SLMAP: variants seen among roughly 807,000 people sequenced by gnomAD.
SLMAP encodes the protein sarcolemma associated protein, also known as sarcolemmal membrane-associated protein.
In SLMAP, 44 loss-of-function variants were observed where a neutral mutation model predicts 128.8. That is an observed-to-expected ratio of 0.34 (90% CI 0.27 to 0.44). SLMAP has a LOEUF of 0.44. Ranked by LOEUF, SLMAP falls within the 20% of genes least tolerant of loss-of-function variation. SLMAP has a pLI of 1.00. For synonymous variants in SLMAP, 327 were observed against 348.8 expected (o/e 0.94, Z 0.70); for missense variants, 787 against 985.3 (o/e 0.80, Z 2.69).
At chr3:57,859,870 T>A (rs1029065506) in intron 8 of SLMAP, among the ~76,000 whole-genome samples, 4 of 152,112 alleles carry the variant, frequency 2.6e-5, no homozygotes, top group African/African-American at 9.7e-5. Flanking sequence ...AATAAAAAAA[T>A]TTAAATAACC....
chr3:57,763,432 G>A (rs931715987), intron 2 of SLMAP, among the ~76,000 whole-genome samples: 1 of 151,764 alleles, frequency 6.6e-6, no homozygotes, highest in Non-Finnish European at 1.5e-5. Flanking sequence ...ACACTACCAC[G>A]CCCAGCTACT....
intron 3 of SLMAP, among the ~76,000 whole-genome samples, chr3:57,835,572 G>A (rs971648208): frequency 1.3e-5 from 2 of 152,184 alleles, no homozygotes; most frequent in South Asian, 2.1e-4. Context: ...GACTAAAGTA[G>A]AAAGACCATG....
At chr3:57,896,262 C>T in intron 15 of SLMAP, 1 of 1,190,094 alleles carries the variant, frequency 8.4e-7, no homozygotes. Flanking sequence ...AAGTGGACAG[C>T]CTTGAACAAA....
chr3:57,882,778 G>GT, intron 14 of SLMAP, among the ~76,000 whole-genome samples: 1 of 152,250 alleles, frequency 6.6e-6, no homozygotes, highest in Middle Eastern at 3.4e-3. Flanking sequence ...TTTTCTAAGG[G>GT]TGAGAGAGTT....
chr3:57,879,513 A>G (rs1295192077), intron 14 of SLMAP, among the ~76,000 whole-genome samples: 1 of 152,194 alleles, frequency 6.6e-6, no homozygotes, highest in Admixed American at 6.5e-5. Context: ...ACTGGGGCAT[A>G]TTGGGCGGAA....
chr3:57,892,218 A>G (rs2096094109), intron 15 of SLMAP, among the ~76,000 whole-genome samples: 1 of 152,170 alleles, frequency 6.6e-6, no homozygotes, highest in African/African-American at 2.4e-5. Flanking sequence ...GGATTTGGCT[A>G]AATTGTCTTT....
At chr3:57,762,229 A>G (rs1030003136) in intron 2 of SLMAP, among the ~76,000 whole-genome samples, 1 of 150,928 alleles carries the variant, frequency 6.6e-6, no homozygotes, top group Admixed American at 6.6e-5. Flanking sequence ...TTAGCTGGGC[A>G]TGGTGGCATG....
At position 57,852,806 on chromosome 3, in the gene SLMAP, C is replaced by G. The variant is rs372710409; in HGVS notation, c.519+2990C>G. On this transcript the variant is annotated intron_variant, in intron 6 of 24. Transcript: ENST00000671191. ...CAAATCTCACTCCCTCACTCTCTCA[C>G]TCTTTCCAACCTTCTTGTTCTGTGA... is the stretch of plus-strand genomic sequence containing the variant. Among the ~76,000 whole-genome samples the G allele has an allele frequency of 3.3e-5, 5 of 152,222 alleles. No homozygotes were observed. In the East Asian group the frequency reaches 5.8e-4, roughly 18 times the overall value.
intron 2 of SLMAP, among the ~76,000 whole-genome samples, chr3:57,763,159 G>A (rs866245886): frequency 1.3e-5 from 2 of 152,166 alleles, no homozygotes; most frequent in African/African-American, 4.8e-5. Context: ...AGGCTTTGGG[G>A]TACCGGTGAC....
At chr3:57,904,631 C>T (rs775349063) in intron 17 of SLMAP, among the ~76,000 whole-genome samples, 85 of 152,214 alleles carry the variant, frequency 5.6e-4, no homozygotes, top group Non-Finnish European at 1.1e-3. Context: ...TGACATGGCC[C>T]AGCATGGTAG....
intron 5 of SLMAP, among the ~76,000 whole-genome samples, chr3:57,848,477 C>A (rs894488629): frequency 6.9e-6 from 1 of 145,464 alleles, no homozygotes; most frequent in Non-Finnish European, 1.5e-5. Context: ...TCGTTTTTTT[C>A]TTCGTCCTCC....
intron 14 of SLMAP, 57 bp from the exon 15 acceptor site, chr3:57,889,984 C>G: frequency 1.6e-6 from 2 of 1,236,476 alleles, no homozygotes; most frequent in Non-Finnish European, 2.4e-6. Flanking sequence ...CACTGCCCAG[C>G]TCAGGGAAAT....
rs1452651410 is a variant in SLMAP at position 57,868,998 on chromosome 3, A to ATTATATATAATATATATTATATGTGTATT, written c.1238-2637_1238-2609dup. Among the ~76,000 whole-genome samples, 9 of 136,890 alleles carry ATTATATATAATATATATTATATGTGTATT rather than the reference A, an allele frequency of 6.6e-5. No homozygotes were observed. The South Asian group carries it at 2.0e-3, about 30-fold the overall frequency. The allele number at this position is 136,890 out of a possible 152,430, so 89.8% of individuals were successfully genotyped here. ...TATATAATATATATTATATATGTGT[A>ATTATATATAATATATATTATATGTGTATT]TTATATATAATATATATTATATGTG... On this transcript the variant is annotated intron_variant, in intron 13 of 24. Transcript: ENST00000671191.
intron 2 of SLMAP, among the ~76,000 whole-genome samples, chr3:57,791,328 C>A (rs1400360992): frequency 2.0e-5 from 3 of 151,140 alleles, no homozygotes; most frequent in Admixed American, 6.6e-5. Context: ...CCACTGCACT[C>A]AAGCCTGGGC....
At chr3:57,868,835 G>A (rs931122988) in intron 13 of SLMAP, among the ~76,000 whole-genome samples, 12 of 135,918 alleles carry the variant, frequency 8.8e-5, no homozygotes, top group Non-Finnish European at 1.7e-4. Flanking sequence ...ATATATATAT[G>A]TGTATTATAT....
chr3:57,778,686 C>T (rs1203963294), intron 2 of SLMAP, among the ~76,000 whole-genome samples: 5 of 151,322 alleles, frequency 3.3e-5, no homozygotes, highest in African/African-American at 7.3e-5. Flanking sequence ...GCAATCTTCC[C>T]GTCCTCAGCC....
chr3:57,801,994 T>A (rs1324761492), intron 2 of SLMAP, among the ~76,000 whole-genome samples: 1 of 152,214 alleles, frequency 6.6e-6, no homozygotes, highest in African/African-American at 2.4e-5. Flanking sequence ...TTAAAATATG[T>A]GTATGTGTAT....
At chr3:57,854,150 C>T (rs1047172783) in intron 6 of SLMAP, among the ~76,000 whole-genome samples, 2 of 148,610 alleles carry the variant, frequency 1.3e-5, no homozygotes, top group African/African-American at 5.0e-5. Context: ...ATTTAATTCT[C>T]CCATTATAAG....
intron 17 of SLMAP, among the ~76,000 whole-genome samples, chr3:57,906,806 A>G (rs2153680782): frequency 6.6e-6 from 1 of 151,710 alleles, no homozygotes; most frequent in East Asian, 1.9e-4. Flanking sequence ...GTGATACTCA[A>G]ATAGAATTCA....
Sources: gnomAD v4.1 joint callset for allele counts (sites outside exome capture counted in the v4.1 genomes callset) on GRCh38, gnomAD v4.1.1 for gene constraint, MANE v1.5 for transcripts, NCBI Gene and HGNC (gene_info 2026-07-23, HGNC 2026-07-21) for gene names.